The following GLIS3 variants were observed in gnomAD, a reference collection of about 807,000 sequenced individuals.
GLIS3 encodes the protein GLIS family zinc finger 3.
In GLIS3, 53 loss-of-function variants were observed where a neutral mutation model predicts 78.6. The observed-to-expected ratio is 0.67, with a 90% CI of 0.54 to 0.85. GLIS3 has a LOEUF of 0.85. GLIS3 is among the 40% of genes least tolerant of loss of function. The pLI is 0.00. For missense variants in GLIS3, 1,703 were observed against 1,231.1 expected (o/e 1.38, Z -5.74); for synonymous variants, 684 against 509.9 (o/e 1.34, Z -4.60).
upstream of GLIS3, among the ~76,000 whole-genome samples, chr9:4,350,860 C>A (rs1039462936): frequency 6.6e-6 from 1 of 152,138 alleles, no homozygotes; most frequent in African/African-American, 2.4e-5. Context: ...CTCCTCAGGA[C>A]TTTCCCTAGT....
chr9:3,914,614 C>A (rs1824379470), intron 6 of GLIS3, among the ~76,000 whole-genome samples: 1 of 152,194 alleles, frequency 6.6e-6, no homozygotes, highest in Non-Finnish European at 1.5e-5. Flanking sequence ...TACTTCATAT[C>A]TCTCATTCAT....
At chr9:3,944,346 C>T (rs898560379) in intron 4 of GLIS3, among the ~76,000 whole-genome samples, 3 of 152,156 alleles carry the variant, frequency 2.0e-5, no homozygotes, top group Non-Finnish European at 2.9e-5. Context: ...TCATCATGGG[C>T]ATTATATCAT....
At chr9:4,162,080 G>A (rs143521718) in intron 2 of GLIS3, among the ~76,000 whole-genome samples, 81 of 152,194 alleles carry the variant, frequency 5.3e-4, no homozygotes, top group Middle Eastern at 3.4e-3. Context: ...CCAGCTTCTG[G>A]TGGTTGCCAG....
chr9:4,104,357 C>A (rs1830598317), intron 4 of GLIS3, among the ~76,000 whole-genome samples: 1 of 152,108 alleles, frequency 6.6e-6, no homozygotes, highest in Non-Finnish European at 1.5e-5. Flanking sequence ...ACCTCATATG[C>A]AATTCAGGTC....
chr9:4,321,388 C>T (rs113417758), intron 2 of GLIS3, among the ~76,000 whole-genome samples: 1 of 91,574 alleles, frequency 1.1e-5, no homozygotes, highest in African/African-American at 5.1e-5. Context: ...CGCCACTGCA[C>T]TCCAGCCTGG....
At chr9:4,443,887 A>C in the GLIS3 span, among the ~76,000 whole-genome samples, 1 of 152,198 alleles carries the variant, frequency 6.6e-6, no homozygotes, top group Non-Finnish European at 1.5e-5. Flanking sequence ...AAATTATGTT[A>C]ATCTGTCTCA....
At chr9:4,417,573 T>A in the GLIS3 span, among the ~76,000 whole-genome samples, 1 of 152,240 alleles carries the variant, frequency 6.6e-6, no homozygotes, top group Non-Finnish European at 1.5e-5. Context: ...ACCAATGTTG[T>A]AATGAACATT....
intron 9 of GLIS3, among the ~76,000 whole-genome samples, chr9:3,839,428 A>C (rs1046929654): frequency 2.0e-5 from 3 of 152,186 alleles, no homozygotes; most frequent in African/African-American, 7.2e-5. Context: ...TATTTTGGTT[A>C]GTGTTATACC....
intron 8 of GLIS3, among the ~76,000 whole-genome samples, chr9:3,878,121 C>T (rs1022532330): frequency 6.6e-6 from 1 of 152,112 alleles, no homozygotes; most frequent in African/African-American, 2.4e-5. Flanking sequence ...GCCTGGGATG[C>T]TGTGCCCCCA....
chr9:4,176,462 A>G (rs1816822224), intron 2 of GLIS3, among the ~76,000 whole-genome samples: 1 of 152,074 alleles, frequency 6.6e-6, no homozygotes, highest in African/African-American at 2.4e-5. Flanking sequence ...ACTTCTTGAA[A>G]ACTATTTGTA....
intron 4 of GLIS3, among the ~76,000 whole-genome samples, chr9:4,101,896 C>G (rs1469524713): frequency 6.6e-6 from 1 of 152,198 alleles, no homozygotes; most frequent in African/African-American, 2.4e-5. Context: ...CTAGGTTTCA[C>G]TTCCAGAACA....
upstream of GLIS3, among the ~76,000 whole-genome samples, chr9:4,301,943 C>T (rs536891823): frequency 6.6e-6 from 1 of 151,492 alleles, no homozygotes; most frequent in South Asian, 2.1e-4. Context: ...TCTAACATTC[C>T]TAAAATATTT....
the GLIS3 span, among the ~76,000 whole-genome samples, chr9:4,426,664 C>A: frequency 8.5e-4 from 130 of 152,310 alleles, no homozygotes; most frequent in African/African-American, 3.0e-3. Flanking sequence ...AACCATATAG[C>A]AAAATATTTG....
chr9:4,181,559 C>T (rs1374117714), intron 2 of GLIS3, among the ~76,000 whole-genome samples: 1 of 152,222 alleles, frequency 6.6e-6, no homozygotes, highest in African/African-American at 2.4e-5. Flanking sequence ...ATTTTCCCAC[C>T]AAGCCCAGCC....
At chr9:4,279,909 C>T (rs1449404703) in intron 2 of GLIS3, among the ~76,000 whole-genome samples, 8 of 150,190 alleles carry the variant, frequency 5.3e-5, no homozygotes, top group Admixed American at 4.6e-4. Flanking sequence ...AAAAAAACAG[C>T]TATAAAGGAC....
chr9:4,099,327 C>T (rs1013930334), intron 4 of GLIS3, among the ~76,000 whole-genome samples: 3 of 152,170 alleles, frequency 2.0e-5, no homozygotes, highest in African/African-American at 7.2e-5. Flanking sequence ...CGGTTCTATG[C>T]CTCTCTGCTA....
chr9:4,290,386 T>C (rs141875116), intron 1 of GLIS3, among the ~76,000 whole-genome samples: 11 of 152,270 alleles, frequency 7.2e-5, no homozygotes, highest in Admixed American at 5.9e-4. Flanking sequence ...AGAGTTTTTA[T>C]TGATCCTTTT....
At position 4,156,148 on chromosome 9, in the gene GLIS3, T is replaced by C. The variant is rs376029941; in HGVS notation, c.389-30207A>G. Among the ~76,000 whole-genome samples the C allele has an allele frequency of 1.1e-4, 17 of 152,288 alleles. 1 individual carries two copies. In the East Asian group the frequency reaches 1.7e-3, roughly 16 times the overall value. On this transcript the variant is annotated intron_variant, in intron 2 of 10. Transcript: ENST00000381971. The stretch of plus-strand genomic sequence containing the variant: ...CATTCCTCTTGATTGACAACTCTTA[T>C]ACCCTTGAGCAGCCCTGAAGCCTTC...
chr9:4,186,097 A>G (rs181673704), intron 2 of GLIS3, among the ~76,000 whole-genome samples: 3 of 151,554 alleles, frequency 2.0e-5, no homozygotes, highest in Non-Finnish European at 4.4e-5. Context: ...TGTGCTGCAC[A>G]CATTAACTCG....
Sources: allele counts gnomAD v4.1 joint callset (sites outside exome capture counted in the v4.1 genomes callset), GRCh38; gene constraint gnomAD v4.1.1; transcripts MANE v1.5; gene names NCBI Gene and HGNC (gene_info 2026-07-23, HGNC 2026-07-21).